The following CDK17 variants were observed in gnomAD, a reference collection of about 807,000 sequenced individuals.
The protein encoded by CDK17 is cyclin dependent kinase 17.
A neutral mutation model predicts 77.6 loss-of-function variants in CDK17; 24 were observed. The observed-to-expected ratio is 0.31, with a 90% CI of 0.22 to 0.44. The LOEUF is 0.44. Ranked by LOEUF, CDK17 falls within the 20% of genes least tolerant of loss-of-function variation. CDK17 has a pLI of 1.00. For missense variants in CDK17, 429 were observed against 622.5 expected, an observed-to-expected ratio of 0.69 and a Z score of 3.31; for synonymous variants, 203 against 210.4, an observed-to-expected ratio of 0.96 and a Z score of 0.30.
chr12:96,400,135 A>C lies in CDK17; in HGVS notation c.-179T>G. 2.5e-6 allele frequency: 1 copy of C among 393,856 alleles called. No individual in the cohort carries two copies. Among genetic ancestry groups the C allele is most frequent in the Non-Finnish European group, 4.5e-6 (1 of 222,850 alleles). The allele number at this position is 393,856 out of a possible 1,614,324, so 24.4% of individuals were successfully genotyped here. A position where few individuals can be genotyped will look rare whatever the true frequency, so the allele number is the denominator to read the frequency against. On this transcript the variant is annotated 5_prime_UTR_variant, in exon 1 of 17. Transcript: ENST00000261211. ...CTTCCGAGCGCAGGCCTCCGCCGCCACAGCCGCCTTCCGGCTCTCGCCGCG... is the reference window on the plus strand; with the variant it reads ...CTTCCGAGCGCAGGCCTCCGCCGCCCCAGCCGCCTTCCGGCTCTCGCCGCG...
chr12:96,358,078 A>C (rs1203366668), intron 1 of CDK17, among the ~76,000 whole-genome samples: 2 of 152,192 alleles, frequency 1.3e-5, no homozygotes, highest in Non-Finnish European at 2.9e-5. Flanking sequence ...AGAAGACTAC[A>C]TTTAGTATTT....
intron 1 of CDK17, among the ~76,000 whole-genome samples, chr12:96,388,313 ATTT>A (rs935560346): frequency 1.3e-5 from 2 of 152,202 alleles, no homozygotes; most frequent in African/African-American, 4.8e-5. Flanking sequence ...ATTATGACCT[ATTT>A]ATTCCTAATG....
intron 1 of CDK17, among the ~76,000 whole-genome samples, chr12:96,346,315 G>A (rs902718583): frequency 1.3e-5 from 2 of 152,100 alleles, no homozygotes; most frequent in Admixed American, 6.5e-5. Context: ...AGCCGGGCAT[G>A]GTGGCACACG....
intron 3 of CDK17, among the ~76,000 whole-genome samples, chr12:96,323,012 G>A (rs971512876): frequency 6.6e-6 from 1 of 152,180 alleles, no homozygotes; most frequent in East Asian, 1.9e-4. Flanking sequence ...AACACATTTG[G>A]AAATAATATA....
chr12:96,348,451 G>C (rs1314602342), intron 1 of CDK17, among the ~76,000 whole-genome samples: 1 of 149,926 alleles, frequency 6.7e-6, no homozygotes, highest in Admixed American at 6.6e-5. Context: ...TTCAACCTGG[G>C]AGGTGGAGGT....
chr12:96,343,086 A>G (rs1953145856), intron 1 of CDK17, among the ~76,000 whole-genome samples: 1 of 152,260 alleles, frequency 6.6e-6, no homozygotes, highest in South Asian at 2.1e-4. Context: ...CCTCCATTCA[A>G]AAATACCATA....
intron 1 of CDK17, among the ~76,000 whole-genome samples, chr12:96,384,611 C>T (rs985216146): frequency 6.6e-6 from 1 of 152,174 alleles, no homozygotes; most frequent in African/African-American, 2.4e-5. Context: ...TTTGCAGCAA[C>T]ATGGATGCAG....
intron 1 of CDK17, among the ~76,000 whole-genome samples, chr12:96,353,793 C>G (rs1953351908): frequency 6.6e-6 from 1 of 151,932 alleles, no homozygotes; most frequent in Non-Finnish European, 1.5e-5. Flanking sequence ...AAGGTAATAA[C>G]TAGTAATAAT....
At chr12:96,347,357 A>T (rs1251039397) in intron 1 of CDK17, among the ~76,000 whole-genome samples, 1 of 151,772 alleles carries the variant, frequency 6.6e-6, no homozygotes, top group Non-Finnish European at 1.5e-5. Context: ...TGAGGTCAGG[A>T]GTTTCAAACC....
At chr12:96,377,900 A>G (rs183718764) in intron 1 of CDK17, among the ~76,000 whole-genome samples, 26 of 152,190 alleles carry the variant, frequency 1.7e-4, no homozygotes, top group Non-Finnish European at 1.3e-4. Context: ...TCACCGTGTT[A>G]GCCAGGATGG....
intron 2 of CDK17, among the ~76,000 whole-genome samples, chr12:96,330,602 A>G (rs1051099286): frequency 2.0e-5 from 3 of 152,226 alleles, no homozygotes; most frequent in African/African-American, 7.2e-5. Flanking sequence ...TGGATACTTC[A>G]TATAAATGGA....
chr12:96,389,828 GTTTTTTGT>G (rs1954038408), intron 1 of CDK17, among the ~76,000 whole-genome samples: 1 of 69,232 alleles, frequency 1.4e-5, no homozygotes, highest in South Asian at 6.8e-4. Context: ...TTGTTTGTTT[GTTTTTTGT>G]TTTTTTTTTT....
At chr12:96,378,033 A>G (rs1378764776) in intron 1 of CDK17, among the ~76,000 whole-genome samples, 3 of 152,204 alleles carry the variant, frequency 2.0e-5, no homozygotes, top group Non-Finnish European at 4.4e-5. Flanking sequence ...GTATCGTTTT[A>G]GATTTACAGA....
intron 5 of CDK17, among the ~76,000 whole-genome samples, chr12:96,301,267 A>AC (rs1952499828): frequency 6.6e-6 from 1 of 150,988 alleles, no homozygotes; most frequent in Non-Finnish European, 1.5e-5. Context: ...AAACAAACAA[A>AC]CCCACAACAA....
intron 2 of CDK17, among the ~76,000 whole-genome samples, chr12:96,334,079 A>ATTC (rs1311889568): frequency 6.6e-6 from 1 of 152,180 alleles, no homozygotes; most frequent in African/African-American, 2.4e-5. Context: ...GGCACAGGTA[A>ATTC]GGAAGATCTG....
At chr12:96,280,302 G>A in intron 16 of CDK17, 23 bp from the exon 17 acceptor site, 3 of 1,550,344 alleles carry the variant, frequency 1.9e-6, no homozygotes, top group Non-Finnish European at 1.7e-6. Context: ...GTCATTTTAT[G>A]AGGCAGTTCA....
At position 96,342,963 on chromosome 12, in the gene CDK17, TA is replaced by T. The variant is rs34026126; in HGVS notation, c.-29-8099del. On this transcript the variant is annotated intron_variant, in intron 1 of 16. Transcript: ENST00000261211. ...GGCCAACAAGAGAGAAACTCTGTCT[TA>T]AAAAAAAAAATTAATCCTTGATGTG... Among the ~76,000 whole-genome samples, 6 of 149,978 alleles carry T rather than the reference TA, an allele frequency of 4.0e-5. No individual in the cohort carries two copies. The East Asian group carries it at 7.8e-4, about 20-fold the overall frequency.
At position 96,297,715 on chromosome 12, in the gene CDK17, A is replaced by T; in HGVS notation, c.722T>A (p.Leu241Gln). Reference protein sequence around the residue: ...APCTAIREVSLLKDLKHANIV... With the variant: ...APCTAIREVSQLKDLKHANIV... ...ATTTGCATGTTTTAAATCCTTTAAT[A>T]GTGAAACTGCAAAACAGAAAAAGAA... is the stretch of plus-strand genomic sequence containing the variant. Residue 241 changes from leucine (L) to glutamine (Q), a missense_variant, in exon 8 of 17, where the codon CTA (leucine) becomes CAA (glutamine). Around this residue, in one of 4 missense-constraint regions of CDK17, gnomAD observed 262 missense variants for 385.4 expected, o/e 0.68. Coordinates refer to ENST00000261211, the MANE Select transcript of CDK17 (RefSeq NM_002595.5). 1 of 1,548,866 alleles carries T rather than the reference A, an allele frequency of 6.5e-7. No homozygotes were observed. The highest frequency in any genetic ancestry group is 8.9e-7 in the Non-Finnish European group (1 of 1,126,460).
rs1390084740 is a variant in CDK17 at position 96,334,799 on chromosome 12, C to T, written c.38G>A (p.Arg13Gln). 5.0e-6 allele frequency: 8 copies of T among 1,610,754 alleles called. No homozygotes were observed. The highest frequency in any genetic ancestry group is 3.3e-5 in the Admixed American group (2 of 59,954). ...KFKRRLSLTL[R>Q]GSQTIDESLS... ...TGATTCATCAATAGTCTGACTTCCT[C>T]GGAGTGTGAGGGATAGCCTTCTCTT... Residue 13 changes from arginine (R) to glutamine (Q), a missense_variant, in exon 2 of 17, where the codon CGA (arginine) becomes CAA (glutamine). Around this residue, in one of 4 missense-constraint regions of CDK17, gnomAD observed 262 missense variants for 385.4 expected, o/e 0.68. Coordinates refer to ENST00000261211, the MANE Select transcript of CDK17 (RefSeq NM_002595.5).
Sources: gnomAD v4.1 joint callset for allele counts (sites outside exome capture counted in the v4.1 genomes callset) on GRCh38, gnomAD v4.1.1 for gene constraint, gnomAD v4.1.1 regional missense constraint, MANE v1.5 for transcripts, NCBI Gene and HGNC (gene_info 2026-07-23, HGNC 2026-07-21) for gene names.